OXNAD1: variants seen among roughly 807,000 people sequenced by gnomAD.
OXNAD1 encodes oxidoreductase NAD binding domain containing 1.
In OXNAD1, 34 loss-of-function variants were observed where a neutral mutation model predicts 32.9. The observed-to-expected ratio is 1.03, with a 90% confidence interval of 0.79 to 1.38. The LOEUF (loss-of-function observed/expected upper bound fraction) is 1.38, where lower values mean the gene tolerates loss of function less well. OXNAD1 is among the 40% of genes most tolerant of loss of function. OXNAD1 has a pLI of 0.00. For missense variants in OXNAD1, 407 were observed against 379.4 expected (o/e 1.07, Z -0.60); for synonymous variants, 134 against 135.2 (o/e 0.99, Z 0.06).
At chr3:16,326,802 C>T (rs772014458) in intron 9 of OXNAD1, 1 of 1,614,164 alleles carries the variant, frequency 6.2e-7, no homozygotes, top group Non-Finnish European at 8.5e-7. Flanking sequence ...GAGTTGGTAG[C>T]ACACAGGTGA....
intron 6 of OXNAD1, among the ~76,000 whole-genome samples, chr3:16,296,828 A>C (rs901736809): frequency 3.3e-5 from 5 of 152,212 alleles, no homozygotes; most frequent in African/African-American, 1.2e-4. Flanking sequence ...CCTAAACCTC[A>C]TACTTTATAT....
intron 4 of OXNAD1, among the ~76,000 whole-genome samples, chr3:16,279,352 A>G (rs1054370652): frequency 2.0e-5 from 3 of 152,182 alleles, no homozygotes; most frequent in Non-Finnish European, 4.4e-5. Context: ...GTTGAAGGCT[A>G]CAAAGAAAGG....
Position 16,345,817 on chromosome 3 carries a change from T to TGTGC in OXNAD1, c.*31-3358_*31-3357insTGCG, listed in dbSNP as rs1160939614. ...GTGTGTGTGTGTGTGTGTGTGTGTGTGCGCGCGCGCGTGCGCGCACGCGCA... is the reference window on the plus strand; with the variant it reads ...GTGTGTGTGTGTGTGTGTGTGTGTGTGTGCGCGCGCGCGCGTGCGCGCACGCGCA... On this transcript the variant is annotated intron_variant, in intron 9 of 9. Transcript: ENST00000606098. This position sits in a 1 kb window ranked among gnomAD's most constrained non-coding sequence, Gnocchi z 5.2. Among the ~76,000 whole-genome samples, 964 of 74,580 alleles carry TGTGC rather than the reference T, an allele frequency of 0.013. 10 individuals are homozygous for TGTGC. Among genetic ancestry groups the TGTGC allele is most frequent in the African/African-American group, 0.049 (893 of 18,148 alleles). The allele number at this position is 74,580 out of a possible 152,430, so 48.9% of individuals were successfully genotyped here.
intron 9 of OXNAD1, chr3:16,323,602 C>T (rs927303554): frequency 9.8e-5 from 56 of 573,260 alleles, no homozygotes; most frequent in East Asian, 7.1e-4. Context: ...TCTACTCTTC[C>T]GCTCCCAGGC....
intron 4 of OXNAD1, among the ~76,000 whole-genome samples, chr3:16,278,025 A>C (rs2065468451): frequency 2.0e-5 from 3 of 152,210 alleles, no homozygotes; most frequent in Admixed American, 2.0e-4. Context: ...CTTGGCCTCT[A>C]CAGACTGTTG....
chr3:16,324,605 T>G (rs2069471328), intron 9 of OXNAD1, among the ~76,000 whole-genome samples: 1 of 121,404 alleles, frequency 8.2e-6, no homozygotes, highest in Non-Finnish European at 1.7e-5. Context: ...AATAACAGAA[T>G]GTCCCTGACC....
In OXNAD1 at chr3:16,301,791, A is replaced by C. The variant is rs747860702; in HGVS notation, c.598A>C (p.Asn200His). The C allele has an allele frequency of 5.6e-5, 90 of 1,614,026 alleles. No homozygotes were observed. Among genetic ancestry groups the C allele is most frequent in the Non-Finnish European group, 7.2e-5 (85 of 1,180,006 alleles). Residue 200 changes from asparagine (N) to histidine (H), a missense_variant, in exon 7 of 9, where the codon AAC becomes CAC. By Grantham distance (68) the Asn-to-His change is moderately conservative. Coordinates refer to ENST00000285083, the MANE Select transcript of OXNAD1 (RefSeq NM_138381.5). The surrounding 1 kb of genome is among the most constrained non-coding windows in gnomAD (Gnocchi z 4.1). ...HAADLLREQA[N>H]KRNGYEIGTI... ...AGCAGATCTCCTCAGAGAGCAGGCA[A>C]ACAAAAGAAATGGATATGAGATAGG...
At chr3:16,278,599 C>T (rs977266070) in intron 4 of OXNAD1, among the ~76,000 whole-genome samples, 1 of 152,128 alleles carries the variant, frequency 6.6e-6, no homozygotes, top group Admixed American at 6.5e-5. Flanking sequence ...TATTGTTGTC[C>T]TAAGTTTAAA....
chr3:16,345,553 G>A lies in OXNAD1; in HGVS notation c.*31-3623G>A, dbSNP rs2125302007. On this transcript the variant is annotated intron_variant, in intron 9 of 9. Transcript: ENST00000606098. This position sits in a 1 kb window ranked among gnomAD's most constrained non-coding sequence, Gnocchi z 5.2. ...TGAGGACCTGAACAGAACAAAGGGT[G>A]GAGGAAGGCTGAATTAACACCGCCT... is the stretch of plus-strand genomic sequence containing the variant. Among the ~76,000 whole-genome samples, 1 of 152,226 alleles carries A rather than the reference G, an allele frequency of 6.6e-6. No individual in the cohort carries two copies. The highest frequency in any genetic ancestry group is 6.5e-5 in the Admixed American group (1 of 15,292).
chr3:16,282,627 C>T (rs1463402084), intron 4 of OXNAD1, among the ~76,000 whole-genome samples: 1 of 151,786 alleles, frequency 6.6e-6, no homozygotes, highest in Non-Finnish European at 1.5e-5. Flanking sequence ...TGAGCAGGGC[C>T]TAGAAGGGTG....
In OXNAD1 at chr3:16,312,526, G is replaced by A. The variant is rs1483442842; in HGVS notation, c.*30+8934G>A. 6.6e-6 allele frequency among the ~76,000 whole-genome samples: 1 copy of A among 152,198 alleles called. No individual in the cohort carries two copies. Among genetic ancestry groups the A allele is most frequent in the African/African-American group, 2.4e-5 (1 of 41,452 alleles). The stretch of plus-strand genomic sequence containing the variant: ...TTTCAGGACTTGATCTTCAATCTTA[G>A]GCTGCTGTGAGCCCTAGCAGGACAG... On this transcript the variant is annotated intron_variant, in intron 9 of 9. Transcript: ENST00000435829. The surrounding 1 kb of genome is among the most constrained non-coding windows in gnomAD (Gnocchi z 4.7).
chr3:16,272,501 T>C (rs1016372204), intron 4 of OXNAD1, among the ~76,000 whole-genome samples: 1 of 152,204 alleles, frequency 6.6e-6, no homozygotes, highest in African/African-American at 2.4e-5. Flanking sequence ...GCAGAAATTA[T>C]ATTGTCTCAT....
At chr3:16,269,017 G>A (rs2064751110) in intron 1 of OXNAD1, 109 bp from the exon 2 acceptor site, 1 of 968,656 alleles carries the variant, frequency 1.0e-6, no homozygotes. Context: ...GGCTTGTTGT[G>A]AGGTGATGCC....
At chr3:16,295,090 G>A (rs2066689840) in intron 6 of OXNAD1, 93 bp downstream of exon 6, 1 of 1,405,678 alleles carries the variant, frequency 7.1e-7, no homozygotes, top group Non-Finnish European at 9.5e-7. Context: ...TAAGAAACCT[G>A]GGCTTGAGTA....
Position 16,274,183 on chromosome 3 carries a change from AAC to A in OXNAD1, c.183+2463_183+2464del, listed in dbSNP as rs1265216279. Among the ~76,000 whole-genome samples the A allele has an allele frequency of 2.2e-3, 325 of 151,018 alleles. 4 individuals are homozygous for A. The highest frequency in any genetic ancestry group is 7.2e-3 in the African/African-American group (299 of 41,268). ...TACTATCACTAAAAAAAAAAAAAAA[AAC>A]AAAAGATATCAACTATGATTTCTAA... On this transcript the variant is annotated intron_variant, in intron 4 of 8. Transcript: ENST00000285083.
At chr3:16,272,185 G>C (rs2064990419) in intron 4 of OXNAD1, 1 of 453,446 alleles carries the variant, frequency 2.2e-6, no homozygotes, top group African/African-American at 2.0e-5. Context: ...TAACATCTGA[G>C]AAAGGAAAGT....
chr3:16,267,739 G>T (rs2064634124), intron 1 of OXNAD1, among the ~76,000 whole-genome samples: 1 of 151,952 alleles, frequency 6.6e-6, no homozygotes, highest in African/African-American at 2.4e-5. Flanking sequence ...TCTGTCTCTG[G>T]AACTGTAATA....
chr3:16,346,592 T>C lies in OXNAD1; in HGVS notation c.*31-2584T>C, dbSNP rs2071736022. Among the ~76,000 whole-genome samples, 1 of 152,126 alleles carries C rather than the reference T, an allele frequency of 6.6e-6. No individual in the cohort carries two copies. The highest frequency in any genetic ancestry group is 2.4e-5 in the African/African-American group (1 of 41,434). On this transcript the variant is annotated intron_variant, in intron 9 of 9. Coordinates refer to the OXNAD1 transcript ENST00000606098. This position sits in a 1 kb window ranked among gnomAD's most constrained non-coding sequence, Gnocchi z 4.4. ...CGATGGCCCAGGGCTTCTTCCTCACTGACACCCCCCAGGCCTGGACAACCA... is the reference window on the plus strand; with the variant it reads ...CGATGGCCCAGGGCTTCTTCCTCACCGACACCCCCCAGGCCTGGACAACCA...
chr3:16,269,187 A>G lies in OXNAD1; in HGVS notation c.-97A>G, dbSNP rs528709506. The G allele has an allele frequency of 3.3e-6, 5 of 1,525,146 alleles. No homozygotes were observed. The African/African-American group carries it at 6.9e-5, about 21-fold the overall frequency. The allele number at this position is 1,525,146 out of a possible 1,614,324, so 94.5% of individuals were successfully genotyped here. The stretch of plus-strand genomic sequence containing the variant: ...CCATGTTCCAACTGCTGTACATCCA[A>G]AAGTCTCAGTGTAATAGCAGGACCA... On this transcript the variant is annotated 5_prime_UTR_variant, in exon 2 of 9. Coordinates refer to ENST00000285083, the MANE Select transcript of OXNAD1 (RefSeq NM_138381.5).
Sources: allele counts gnomAD v4.1 joint callset (sites outside exome capture counted in the v4.1 genomes callset), GRCh38; gene constraint gnomAD v4.1.1; non-coding constraint Gnocchi (gnomAD v3.1); transcripts MANE v1.5; gene names NCBI Gene and HGNC (gene_info 2026-07-23, HGNC 2026-07-21).